Variants in CAMTA1 observed in about 807,000 individuals in gnomAD.
CAMTA1 encodes calmodulin binding transcription activator 1, also known as calmodulin-binding transcription activator 1.
A neutral mutation model predicts 170.9 loss-of-function variants in CAMTA1; 27 were observed. The observed-to-expected ratio is 0.16, with a 90% confidence interval of 0.12 to 0.22. The LOEUF (loss-of-function observed/expected upper bound fraction) is 0.22, where lower values mean the gene tolerates loss of function less well. Among genes scored for constraint, CAMTA1 ranks in the 10% least tolerant of loss-of-function variants. The pLI is 1.00. For synonymous variants in CAMTA1, 833 were observed against 891.5 expected (o/e 0.93, Z 1.17); for missense variants, 1,619 against 2,217.2 (o/e 0.73, Z 5.42).
intron 6 of CAMTA1, among the ~76,000 whole-genome samples, chr1:7,539,499 C>A (rs1400241539): frequency 6.6e-6 from 1 of 152,206 alleles, no homozygotes; most frequent in African/African-American, 2.4e-5. Flanking sequence ...GAAGAATGTT[C>A]CTCTTGGGGC....
chr1:7,542,330 A>G (rs2094622595), intron 6 of CAMTA1, among the ~76,000 whole-genome samples: 1 of 151,990 alleles, frequency 6.6e-6, no homozygotes, highest in Admixed American at 6.6e-5. Context: ...CACAAAGTTG[A>G]TAATATAAGA....
In CAMTA1 at chr1:7,663,438, C is replaced by T. The variant is rs777508523; in HGVS notation, c.891C>T (p.Tyr297=). The T allele has an allele frequency of 1.2e-5, 19 of 1,576,912 alleles. No homozygotes were observed. The highest frequency in any genetic ancestry group is 6.9e-5 in the Admixed American group (4 of 58,054). The stretch of plus-strand genomic sequence containing the variant: ...AGGTGGAGCCACGGACAGGGGGGTA[C>T]GGGAGCCACTCGGAGGTGCAGCACA... The part of the protein sequence containing the change: ...SPKVEPRTGG[Y]GSHSEVQHND... The change falls in exon 9 of 23, where the codon TAC becomes TAT. Residue 297 remains tyrosine (Y), a synonymous_variant. Coordinates refer to ENST00000303635, the MANE Select transcript of CAMTA1 (RefSeq NM_015215.4).
intron 4 of CAMTA1, among the ~76,000 whole-genome samples, chr1:7,225,983 G>A (rs1238694851): frequency 6.6e-6 from 1 of 152,196 alleles, no homozygotes; most frequent in African/African-American, 2.4e-5. Flanking sequence ...TGGCAGATGT[G>A]GGATGGCCTG....
chr1:7,299,011 A>T lies in CAMTA1; in HGVS notation c.438+49385A>T, dbSNP rs1001186207. On this transcript the variant is annotated intron_variant, in intron 5 of 22. Transcript: ENST00000303635. This position sits in a 1 kb window ranked among gnomAD's most constrained non-coding sequence, Gnocchi z 4.7. ...TATTTGCTTTGACTAAGGGGCCAAG[A>T]TGATGAAGTCAGATGTCCTGAGTTT... is the stretch of plus-strand genomic sequence containing the variant. Among the ~76,000 whole-genome samples the T allele has an allele frequency of 1.1e-4, 16 of 152,212 alleles. No homozygotes were observed. Among genetic ancestry groups the T allele is most frequent in the African/African-American group, 3.6e-4 (15 of 41,470 alleles).
At chr1:7,410,199 T>C (rs911922646) in intron 5 of CAMTA1, among the ~76,000 whole-genome samples, 1 of 152,102 alleles carries the variant, frequency 6.6e-6, no homozygotes, top group Non-Finnish European at 1.5e-5. Context: ...AAGGACTAGA[T>C]TGGGCATTTT....
chr1:7,176,223 T>C (rs1650793823), intron 4 of CAMTA1, among the ~76,000 whole-genome samples: 1 of 152,248 alleles, frequency 6.6e-6, no homozygotes, highest in African/African-American at 2.4e-5. Flanking sequence ...AAGGACTCTC[T>C]TAAAGTGAGA....
At chr1:6,815,266 G>T (rs923517609) in intron 1 of CAMTA1, among the ~76,000 whole-genome samples, 1 of 151,174 alleles carries the variant, frequency 6.6e-6, no homozygotes, top group African/African-American at 2.4e-5. Context: ...GTGCAGTAGT[G>T]CTGTCATGGC....
At chr1:7,241,513 C>T (rs1010682771) in intron 4 of CAMTA1, among the ~76,000 whole-genome samples, 2 of 152,100 alleles carry the variant, frequency 1.3e-5, no homozygotes, top group African/African-American at 4.8e-5. Flanking sequence ...AAAAGAAGAA[C>T]AAAGTTGGAG....
At chr1:7,761,104 G>A (rs975180518) in intron 22 of CAMTA1, among the ~76,000 whole-genome samples, 1 of 152,196 alleles carries the variant, frequency 6.6e-6, no homozygotes, top group Non-Finnish European at 1.5e-5. Context: ...TGGGAAGGGG[G>A]AATTGAGACT....
chr1:7,539,446 T>C (rs1166636634), intron 6 of CAMTA1, among the ~76,000 whole-genome samples: 5 of 152,222 alleles, frequency 3.3e-5, no homozygotes, highest in African/African-American at 9.6e-5. Context: ...AAGTGGGCCA[T>C]GTGTTTCAAG....
chr1:7,393,839 C>A (rs954278058), intron 5 of CAMTA1, among the ~76,000 whole-genome samples: 1 of 152,046 alleles, frequency 6.6e-6, no homozygotes, highest in Non-Finnish European at 1.5e-5. Context: ...ACTCATTAAC[C>A]AACCCCTCTT....
At chr1:6,897,667 C>CT (rs1557783902) in intron 3 of CAMTA1, among the ~76,000 whole-genome samples, 1 of 152,150 alleles carries the variant, frequency 6.6e-6, no homozygotes, top group Non-Finnish European at 1.5e-5. Flanking sequence ...GTGCAGTACA[C>CT]TTGACCCTAT....
At chr1:7,558,904 A>G (rs2094919356) in intron 6 of CAMTA1, among the ~76,000 whole-genome samples, 1 of 152,270 alleles carries the variant, frequency 6.6e-6, no homozygotes, top group Non-Finnish European at 1.5e-5. Context: ...AAAAAGACCC[A>G]TAATCCTGCA....
intron 11 of CAMTA1, among the ~76,000 whole-genome samples, chr1:7,703,846 T>G (rs1393981110): frequency 1.3e-5 from 2 of 151,956 alleles, no homozygotes; most frequent in South Asian, 2.1e-4. Flanking sequence ...GATTAAGAGG[T>G]GCGGCTCGGG....
chr1:7,574,195 A>G (rs1224849084), intron 6 of CAMTA1, among the ~76,000 whole-genome samples: 1 of 131,480 alleles, frequency 7.6e-6, no homozygotes, highest in African/African-American at 4.5e-5. Context: ...GGAGAAAGAC[A>G]CAACACCATG....
chr1:7,512,867 CA>C (rs2094221314), intron 6 of CAMTA1, among the ~76,000 whole-genome samples: 2 of 152,230 alleles, frequency 1.3e-5, no homozygotes, highest in South Asian at 4.2e-4. Context: ...GGCATCAGGG[CA>C]AGGGGACAGT....
chr1:7,201,379 T>C (rs2149011003), intron 4 of CAMTA1, among the ~76,000 whole-genome samples: 1 of 152,306 alleles, frequency 6.6e-6, no homozygotes, highest in Non-Finnish European at 1.5e-5. Context: ...TTTTTTTTCA[T>C]TTCTTTTTTG....
chr1:7,197,447 T>A (rs1655728930), intron 4 of CAMTA1, among the ~76,000 whole-genome samples: 1 of 151,920 alleles, frequency 6.6e-6, no homozygotes. Flanking sequence ...AGACATCTGT[T>A]CTGTTAAACA....
intron 5 of CAMTA1, among the ~76,000 whole-genome samples, chr1:7,341,588 G>A (rs1430014163): frequency 6.6e-6 from 1 of 152,198 alleles, no homozygotes; most frequent in Non-Finnish European, 1.5e-5. Flanking sequence ...GACGACGAAA[G>A]CAGCCCCAGC....
Sources: gnomAD v4.1 joint callset for allele counts (sites outside exome capture counted in the v4.1 genomes callset) on GRCh38, gnomAD v4.1.1 for gene constraint, Gnocchi (gnomAD v3.1) non-coding constraint, MANE v1.5 for transcripts, NCBI Gene and HGNC (gene_info 2026-07-23, HGNC 2026-07-21) for gene names.